Variants in CYB5RL observed in about 807,000 individuals in gnomAD.
CYB5RL encodes the protein NADH-cytochrome b5 reductase-like.
CYB5RL carries 38 observed loss-of-function variants against 37.5 expected under a neutral mutation model. The observed-to-expected ratio is 1.01, with a 90% CI of 0.78 to 1.33. The LOEUF is 1.33. Ranked by LOEUF, CYB5RL falls within the 40% of genes most tolerant of loss-of-function variation. The pLI is 0.00. For missense variants in CYB5RL, 388 were observed against 394.4 expected, an observed-to-expected ratio of 0.98 and a Z score of 0.14; for synonymous variants, 141 against 151.9, an observed-to-expected ratio of 0.93 and a Z score of 0.53.
At chr1:54,189,186 A>T (rs964521150) in intron 4 of CYB5RL, among the ~76,000 whole-genome samples, 14 of 108,658 alleles carry the variant, frequency 1.3e-4, no homozygotes, top group Admixed American at 2.8e-4. Context: ...CTGTCTCAAA[A>T]AATATAAATA....
At chr1:54,184,424 C>T (rs1003381440) in intron 5 of CYB5RL, 159 bp from the exon 6 acceptor site, 3 of 625,324 alleles carry the variant, frequency 4.8e-6, no homozygotes, top group African/African-American at 1.9e-5. Flanking sequence ...TACAGCCATT[C>T]CCAATTTTCA....
rs778317931 is a variant in CYB5RL at position 54,171,501 on chromosome 1, C to T, written c.*3118G>A. ...GGAACACAGAAGTGACGTTGGTAAA[C>T]ATGGTGAGGGCTGAACTAAAGCCAA... is the stretch of plus-strand genomic sequence containing the variant. On this transcript the variant is annotated 3_prime_UTR_variant, in exon 8 of 8. Transcript: ENST00000534324. The T allele has an allele frequency of 3.6e-5, 16 of 448,018 alleles. No homozygotes were observed. The highest frequency in any genetic ancestry group is 2.5e-4 in the South Asian group (16 of 63,864). 27.8% of individuals were successfully genotyped at this position (448,018 alleles called of 1,614,324 possible).
chr1:54,184,101 C>T (rs959259930), intron 6 of CYB5RL, 60 bp downstream of exon 6: 14 of 1,485,280 alleles, frequency 9.4e-6, no homozygotes, highest in Middle Eastern at 1.7e-4. Context: ...TGCTATGGGC[C>T]GAAACATGAA....
intron 2 of CYB5RL, among the ~76,000 whole-genome samples, chr1:54,196,109 C>T (rs997446913): frequency 5.9e-5 from 9 of 152,212 alleles, no homozygotes; most frequent in African/African-American, 2.2e-4. Context: ...ACCAAGGTTT[C>T]CTGATCTGTT....
intron 6 of CYB5RL, among the ~76,000 whole-genome samples, chr1:54,182,075 T>C (rs547655682): frequency 2.0e-5 from 3 of 152,344 alleles, no homozygotes; most frequent in African/African-American, 4.8e-5. Context: ...TCATCTGTTA[T>C]CCACTCTAGA....
chr1:54,184,809 C>A (rs1442072278), intron 5 of CYB5RL: 1 of 152,482 alleles, frequency 6.6e-6, no homozygotes. Flanking sequence ...GCAATTAATT[C>A]AAAATTTTAA....
chr1:54,183,649 A>AG (rs1475801706), intron 6 of CYB5RL, among the ~76,000 whole-genome samples: 1 of 152,160 alleles, frequency 6.6e-6, no homozygotes, highest in Non-Finnish European at 1.5e-5. Context: ...CGCCCTGGGT[A>AG]GCTTTGGAGC....
intron 7 of CYB5RL, 26 bp downstream of exon 7, chr1:54,179,123 A>G (rs1300226303): frequency 6.2e-7 from 1 of 1,602,748 alleles, no homozygotes; most frequent in African/African-American, 1.3e-5. Context: ...CTCAATCAAA[A>G]AAGAAAGTCA....
chr1:54,188,074 C>A (rs992119040), intron 4 of CYB5RL, among the ~76,000 whole-genome samples: 15 of 152,140 alleles, frequency 9.9e-5, no homozygotes, highest in Admixed American at 3.9e-4. Flanking sequence ...AAGACTCTGT[C>A]TCAAACAAAC....
chr1:54,198,087 C>T (rs916450708), intron 1 of CYB5RL, among the ~76,000 whole-genome samples: 1 of 149,084 alleles, frequency 6.7e-6, no homozygotes, highest in African/African-American at 2.5e-5. Context: ...TGTATTCTAC[C>T]ACCAAGCACA....
chr1:54,182,040 C>G lies in CYB5RL; in HGVS notation c.540+2121G>C, dbSNP rs147997597. On this transcript the variant is annotated intron_variant, in intron 6 of 7. Transcript: ENST00000534324. ...AGCCACAAGGCATTGGGAGGCTCCA[C>G]CAGAAAAGGCGGTCAAGACAACGTT... Among the ~76,000 whole-genome samples, 5 of 152,154 alleles carry G rather than the reference C, an allele frequency of 3.3e-5. 1 individual carries two copies. Among genetic ancestry groups the G allele is most frequent in the African/African-American group, 1.2e-4 (5 of 41,438 alleles).
At chr1:54,182,844 C>T (rs1334521714) in intron 6 of CYB5RL, among the ~76,000 whole-genome samples, 1 of 152,214 alleles carries the variant, frequency 6.6e-6, no homozygotes, top group African/African-American at 2.4e-5. Context: ...TGAGCCACTG[C>T]GCCCAGCCAA....
intron 3 of CYB5RL, among the ~76,000 whole-genome samples, chr1:54,191,574 A>G (rs780012725): frequency 1.3e-5 from 2 of 152,180 alleles, no homozygotes; most frequent in Non-Finnish European, 2.9e-5. Flanking sequence ...CCTTCTCTGA[A>G]TGCTGTGACT....
At chr1:54,175,159 CCT>C (rs1659990715) in intron 7 of CYB5RL, among the ~76,000 whole-genome samples, 1 of 152,222 alleles carries the variant, frequency 6.6e-6, no homozygotes, top group African/African-American at 2.4e-5. Context: ...TGTTTTCTCC[CCT>C]GACTGTGGGT....
At chr1:54,187,459 T>A (rs1333107247) in intron 5 of CYB5RL, among the ~76,000 whole-genome samples, 193 bp downstream of exon 5, 2 of 152,186 alleles carry the variant, frequency 1.3e-5, no homozygotes, top group African/African-American at 2.4e-5. Flanking sequence ...TCTTGCCTAA[T>A]CCTCTCAGAT....
At chr1:54,182,473 CTTTTT>C (rs754972094) in intron 6 of CYB5RL, among the ~76,000 whole-genome samples, 1 of 144,990 alleles carries the variant, frequency 6.9e-6, no homozygotes, top group Admixed American at 6.9e-5. Context: ...TTTTTCTTTT[CTTTTT>C]TTTTTGTCTC....
chr1:54,194,244 C>T (rs925819567), intron 3 of CYB5RL, among the ~76,000 whole-genome samples: 1 of 151,656 alleles, frequency 6.6e-6, no homozygotes, highest in Non-Finnish European at 1.5e-5. Context: ...GTGGCACATG[C>T]CTGTAATCCC....
intron 2 of CYB5RL, 120 bp from the exon 3 acceptor site, chr1:54,195,835 T>C (rs1438807151): frequency 4.5e-6 from 2 of 449,270 alleles, no homozygotes; most frequent in Non-Finnish European, 3.9e-6. Flanking sequence ...AGCCAAGGAG[T>C]GTGCTGTCTG....
At chr1:54,175,349 T>A (rs1349831459) in intron 7 of CYB5RL, among the ~76,000 whole-genome samples, 1 of 152,118 alleles carries the variant, frequency 6.6e-6, no homozygotes, top group African/African-American at 2.4e-5. Flanking sequence ...GAGACAAGGG[T>A]CCTGGCTGCA....
Sources: allele counts gnomAD v4.1 joint callset (sites outside exome capture counted in the v4.1 genomes callset), GRCh38; gene constraint gnomAD v4.1.1; transcripts MANE v1.5; gene names NCBI Gene and HGNC (gene_info 2026-07-23, HGNC 2026-07-21).